TRPM4: variants seen among roughly 807,000 people sequenced by gnomAD.
The protein encoded by TRPM4 is calcium-activated non-selective cation channel 1.
TRPM4 carries 124 observed loss-of-function variants against 135.6 expected under a neutral mutation model. The observed-to-expected ratio is 0.91, with a 90% CI of 0.79 to 1.06. The LOEUF (loss-of-function observed/expected upper bound fraction) is 1.06. TRPM4 is among the 50% of genes least tolerant of loss of function. The pLI is 0.00. For missense variants in TRPM4, 1,658 were observed against 1,671.4 expected (o/e 0.99, Z 0.14); for synonymous variants, 745 against 705.6 (o/e 1.06, Z -0.88).
At chr19:49,203,373 G>GT (rs968041192) in intron 20 of TRPM4, among the ~76,000 whole-genome samples, 1 of 151,552 alleles carries the variant, frequency 6.6e-6, no homozygotes, top group Non-Finnish European at 1.5e-5. Flanking sequence ...TAGAGATGGG[G>GT]TTTCACCGTG....
chr19:49,197,348 CTT>C (rs1243876199), intron 17 of TRPM4, among the ~76,000 whole-genome samples: 6,362 of 115,494 alleles, frequency 0.055, 206 homozygotes, highest in Non-Finnish European at 0.07. Flanking sequence ...TTCTTTCTTT[CTT>C]TCTTTCTTTC....
intron 19 of TRPM4, among the ~76,000 whole-genome samples, chr19:49,201,065 ATAG>A (rs1274493914): frequency 2.6e-5 from 4 of 151,782 alleles, no homozygotes; most frequent in African/African-American, 9.7e-5. Context: ...TCGTAAAGAA[ATAG>A]TACTTGAACA....
rs191165866 is a variant in TRPM4 at position 49,167,299 on chromosome 19, G to A, written c.268-618G>A. The stretch of plus-strand genomic sequence containing the variant: ...TGGGTCTCTGTCCCCGTCTCTCCGG[G>A]TCTCTGTTTCCCCTTTACTCTGGGT... On this transcript the variant is annotated intron_variant, in intron 3 of 24. Transcript: ENST00000252826. Among the ~76,000 whole-genome samples, 714 of 132,500 alleles carry A rather than the reference G, an allele frequency of 5.4e-3. 8 individuals are homozygous for A. Among genetic ancestry groups the A allele is most frequent in the African/African-American group, 0.021 (668 of 32,448 alleles). 86.9% of individuals were successfully genotyped at this position (132,500 alleles called of 152,430 possible).
intron 20 of TRPM4, among the ~76,000 whole-genome samples, chr19:49,208,956 C>CAAAA (rs35021741): frequency 9.6e-6 from 1 of 104,020 alleles, no homozygotes; most frequent in Non-Finnish European, 2.0e-5. Flanking sequence ...AAGACTCCAT[C>CAAAA]AAAAAAAAAA....
chr19:49,183,857 T>G lies in TRPM4; in HGVS notation c.1743+645T>G, dbSNP rs185628980. ...GGCATGATCTCGGCTCACTGCAAGC[T>G]CCACCTTCTGGGTTCATGCCATTCT... On this transcript the variant is annotated intron_variant, in intron 12 of 24. Coordinates refer to ENST00000252826, the MANE Select transcript of TRPM4 (RefSeq NM_017636.4). 4.1e-3 allele frequency among the ~76,000 whole-genome samples: 615 copies of G among 150,730 alleles called. 4 individuals carry two copies. The highest frequency in any genetic ancestry group is 0.014 in the African/African-American group (589 of 41,068).
At chr19:49,173,731 C>T (rs967185914) in intron 9 of TRPM4, among the ~76,000 whole-genome samples, 3 of 152,024 alleles carry the variant, frequency 2.0e-5, no homozygotes, top group African/African-American at 7.2e-5. Context: ...GATCACGGCT[C>T]AGTGCAGCCT....
intron 12 of TRPM4, 100 bp downstream of exon 12, chr19:49,183,312 A>G: frequency 6.6e-7 from 1 of 1,507,360 alleles, no homozygotes; most frequent in Non-Finnish European, 9.1e-7. Context: ...CCCTGACGTC[A>G]CCTGACAGGC....
At position 49,211,294 on chromosome 19, in the gene TRPM4, CA is replaced by C; in HGVS notation, c.3640+26del. 6.4e-7 allele frequency: 1 copy of C among 1,572,368 alleles called. No individual in the cohort carries two copies. The highest frequency in any genetic ancestry group is 8.6e-7 in the Non-Finnish European group (1 of 1,157,772). On this transcript the variant is annotated intron_variant, in intron 24 of 24. Coordinates refer to ENST00000252826, the MANE Select transcript of TRPM4 (RefSeq NM_017636.4). The surrounding 1 kb of genome is among the most constrained non-coding windows in gnomAD (Gnocchi z 4.8). ...GGTCAGTGTGTAGCATCAGCCTGTG[CA>C]TCTCCAGCCTCTGTTCCTGTATTTT...
chr19:49,158,139 A>G, intron 1 of TRPM4, 53 bp from the exon 2 acceptor site: 1 of 1,556,642 alleles, frequency 6.4e-7, no homozygotes, highest in South Asian at 1.1e-5. Context: ...CATAGGACAG[A>G]ACTGGGTGCC....
In TRPM4 at chr19:49,210,733, G is replaced by T. The variant is rs999232875; in HGVS notation, c.3352G>T (p.Glu1118Ter). 15 of 1,614,194 alleles carry T rather than the reference G, an allele frequency of 9.3e-6. No individual in the cohort carries two copies. The highest frequency in any genetic ancestry group is 1.3e-5 in the Non-Finnish European group (15 of 1,180,046). ...HFRVYLSKEA[E>*]RKLLTWESVH... is the part of the protein sequence containing the mutation. ...AGGGGTTTACCTTTCTAAGGAAGCCGAGCGGAAGCTGCTAACGTGGGAATC... is the reference window on the plus strand; with the variant it reads ...AGGGGTTTACCTTTCTAAGGAAGCCTAGCGGAAGCTGCTAACGTGGGAATC... Residue 1118 changes from glutamate (E) to a stop codon, truncating the protein, a stop_gained, in exon 22 of 25, where the codon GAG becomes TAG. Coordinates refer to ENST00000252826, the MANE Select transcript of TRPM4 (RefSeq NM_017636.4). LOFTEE classifies it high-confidence loss of function. This position sits in a 1 kb window ranked among gnomAD's most constrained non-coding sequence, Gnocchi z 4.1.
At chr19:49,158,029 G>T in intron 1 of TRPM4, 139 bp downstream of exon 1, 1 of 1,279,006 alleles carries the variant, frequency 7.8e-7, no homozygotes, top group South Asian at 1.3e-5. Flanking sequence ...CCAGGGTCCA[G>T]GGCATGGGGG....
chr19:49,211,188 G>T lies in TRPM4; in HGVS notation c.3559G>T (p.Gly1187Trp). ...GGTCCAGCAGTGTAGCCGCGTCCTG[G>T]GGTGGGTGGCCGAGGCCCTGAGCCG... Reference protein sequence around the residue: ...REVQQCSRVLGWVAEALSRSA... With the variant: ...REVQQCSRVLWWVAEALSRSA... Residue 1187 changes from glycine (G) to tryptophan (W), a missense_variant, in exon 24 of 25, where the codon GGG becomes TGG. Transcript: ENST00000252826. This position sits in a 1 kb window ranked among gnomAD's most constrained non-coding sequence, Gnocchi z 4.8. 1 of 1,604,310 alleles carries T rather than the reference G, an allele frequency of 6.2e-7. No homozygotes were observed. Among genetic ancestry groups the T allele is most frequent in the Non-Finnish European group, 8.5e-7 (1 of 1,176,144 alleles).
intron 12 of TRPM4, among the ~76,000 whole-genome samples, chr19:49,184,449 A>C (rs1968118357): frequency 1.0e-5 from 1 of 97,576 alleles, no homozygotes; most frequent in African/African-American, 4.5e-5. Flanking sequence ...CTGTCTCTGT[A>C]GTCTTTTTTT....
intron 12 of TRPM4, among the ~76,000 whole-genome samples, chr19:49,183,520 C>T (rs1332203984): frequency 3.9e-5 from 6 of 151,992 alleles, no homozygotes; most frequent in East Asian, 1.9e-4. Context: ...CCTCAGCCTC[C>T]GGAGTAGCTG....
intron 20 of TRPM4, among the ~76,000 whole-genome samples, chr19:49,204,837 C>T (rs1029097928): frequency 6.6e-5 from 10 of 150,602 alleles, no homozygotes; most frequent in Non-Finnish European, 8.9e-5. Context: ...GCTGGGATTA[C>T]AGGCGTGAGC....
intron 10 of TRPM4, among the ~76,000 whole-genome samples, chr19:49,182,205 T>C (rs1248363354): frequency 3.2e-5 from 2 of 63,286 alleles, no homozygotes; most frequent in African/African-American, 1.6e-4. Context: ...TCCATCCATC[T>C]ACCTATCCAT....
rs879818462 is a variant in TRPM4 at position 49,182,094 on chromosome 19, GTCCATCCATCCA to G, written c.1264-461_1264-450del. Among the ~76,000 whole-genome samples, 10 of 55,978 alleles carry G rather than the reference GTCCATCCATCCA, an allele frequency of 1.8e-4. 1 individual carries two copies. The highest frequency in any genetic ancestry group is 5.5e-4 in the African/African-American group (8 of 14,586). 36.7% of individuals were successfully genotyped at this position (55,978 alleles called of 152,430 possible). ...CATCCATCCATCCATCCATCCATCT[GTCCATCCATCCA>G]TCCATCCATCCATCCATCCATCTGT... On this transcript the variant is annotated intron_variant, in intron 10 of 24. Coordinates refer to ENST00000252826, the MANE Select transcript of TRPM4 (RefSeq NM_017636.4).
At chr19:49,182,309 CCTCT>C (rs1967990473) in intron 10 of TRPM4, among the ~76,000 whole-genome samples, 1 of 148,348 alleles carries the variant, frequency 6.7e-6, no homozygotes, top group African/African-American at 2.5e-5. Flanking sequence ...TCCATCCATC[CCTCT>C]GTCCATCCAT....
chr19:49,205,788 G>A (rs1031674155), intron 20 of TRPM4, among the ~76,000 whole-genome samples: 3 of 151,470 alleles, frequency 2.0e-5, no homozygotes, highest in African/African-American at 7.3e-5. Flanking sequence ...CACCTGCCTC[G>A]GCCTCCCAAA....
Sources: allele counts gnomAD v4.1 joint callset (sites outside exome capture counted in the v4.1 genomes callset), GRCh38; gene constraint gnomAD v4.1.1; non-coding constraint Gnocchi (gnomAD v3.1); transcripts MANE v1.5; gene names NCBI Gene and HGNC (gene_info 2026-07-23, HGNC 2026-07-21).